RNLS: variants seen among roughly 807,000 people sequenced by gnomAD.
RNLS encodes the protein renalase, FAD dependent amine oxidase.
RNLS carries 39 observed loss-of-function variants against 39.8 expected under a neutral mutation model. The ratio of observed to expected loss-of-function variants is 0.98; its 90% confidence interval spans 0.76 to 1.28. RNLS has a LOEUF of 1.28. Ranked by LOEUF, RNLS falls within the 50% of genes most tolerant of loss-of-function variation. The probability of loss-of-function intolerance (pLI) is 0.00; values close to 1 mark genes in which losing one functional copy is unlikely to be tolerated. For synonymous variants in RNLS, 147 were observed against 150.7 expected (o/e 0.98, Z 0.18); for missense variants, 410 against 413.3 (o/e 0.99, Z 0.07).
chr10:88,563,215 T>G (rs1849288186), intron 4 of RNLS, among the ~76,000 whole-genome samples: 1 of 152,084 alleles, frequency 6.6e-6, no homozygotes, highest in East Asian at 1.9e-4. Context: ...GATTCTAAAG[T>G]ACACTCAGAG....
chr10:88,329,609 C>T (rs1393290494), intron 5 of RNLS, among the ~76,000 whole-genome samples: 4 of 151,780 alleles, frequency 2.6e-5, no homozygotes, highest in African/African-American at 9.7e-5. Context: ...TCTCTCTAAC[C>T]TCTTTTCATG....
chr10:88,366,485 T>C (rs1850109260), intron 4 of RNLS, among the ~76,000 whole-genome samples: 1 of 151,464 alleles, frequency 6.6e-6, no homozygotes, highest in African/African-American at 2.4e-5. Flanking sequence ...TATGTGTATA[T>C]ACTCTTAAAT....
chr10:88,370,934 G>C (rs114581198), intron 4 of RNLS, among the ~76,000 whole-genome samples: 591 of 152,250 alleles, frequency 3.9e-3, no homozygotes, highest in African/African-American at 0.013. Flanking sequence ...CACAGTTTTA[G>C]AAATAGTCTT....
chr10:88,234,791 C>G, the RNLS span, among the ~76,000 whole-genome samples: 13 of 152,060 alleles, frequency 8.5e-5, no homozygotes, highest in African/African-American at 2.7e-4. Flanking sequence ...AAAGTCAAAG[C>G]TTTTAAGATG....
At chr10:88,277,230 A>G (rs1842841982) in intron 6 of RNLS, among the ~76,000 whole-genome samples, 1 of 152,198 alleles carries the variant, frequency 6.6e-6, no homozygotes, top group Non-Finnish European at 1.5e-5. Context: ...CAAGGACAGA[A>G]AACCAAACAC....
chr10:88,514,924 A>G (rs1846330385), intron 4 of RNLS, among the ~76,000 whole-genome samples: 1 of 152,134 alleles, frequency 6.6e-6, no homozygotes, highest in Non-Finnish European at 1.5e-5. Flanking sequence ...GCTAGATCAT[A>G]TGATAATTCC....
the RNLS span, among the ~76,000 whole-genome samples, chr10:88,236,845 G>C: frequency 1.3e-5 from 2 of 152,156 alleles, no homozygotes; most frequent in Non-Finnish European, 1.5e-5. Context: ...TATTCTCCCA[G>C]TAGTGATAAG....
intron 4 of RNLS, among the ~76,000 whole-genome samples, chr10:88,377,021 G>A (rs186548706): frequency 6.0e-4 from 89 of 147,510 alleles, no homozygotes; most frequent in African/African-American, 9.4e-4. Context: ...TTCATTAAAC[G>A]TAGTGAATTA....
chr10:88,543,492 G>A (rs1040595878), intron 4 of RNLS, among the ~76,000 whole-genome samples: 2 of 152,050 alleles, frequency 1.3e-5, no homozygotes, highest in Non-Finnish European at 2.9e-5. Context: ...TTACAATTTA[G>A]ATGAACCAAT....
intron 4 of RNLS, among the ~76,000 whole-genome samples, chr10:88,364,750 G>T (rs17111348): frequency 0.035 from 5,387 of 152,006 alleles, 236 homozygotes; most frequent in African/African-American, 0.092. Context: ...TCTGACATTG[G>T]CCTCATTACA....
chr10:88,473,260 T>A (rs1432216929), intron 4 of RNLS, among the ~76,000 whole-genome samples: 6 of 152,208 alleles, frequency 3.9e-5, no homozygotes, highest in Non-Finnish European at 7.3e-5. Flanking sequence ...GGCACATGAC[T>A]GTATATCTCA....
At chr10:88,565,403 C>T (rs1166425361) in intron 4 of RNLS, among the ~76,000 whole-genome samples, 1 of 152,158 alleles carries the variant, frequency 6.6e-6, no homozygotes, top group Non-Finnish European at 1.5e-5. Flanking sequence ...ACCAATTCTT[C>T]ATACTGAGGT....
At position 88,394,748 on chromosome 10, in the gene RNLS, T is replaced by C. The variant is rs1311587526; in HGVS notation, c.527-32023A>G. ...TGCTATAAAGACACATGCACACGTATGTTTATAGCGGCACTATTCACAATA... is the reference window on the plus strand; with the variant it reads ...TGCTATAAAGACACATGCACACGTACGTTTATAGCGGCACTATTCACAATA... On this transcript the variant is annotated intron_variant, in intron 4 of 6. Coordinates refer to ENST00000331772, the MANE Select transcript of RNLS (RefSeq NM_001031709.3). Among the ~76,000 whole-genome samples the C allele has an allele frequency of 2.6e-5, 4 of 152,324 alleles. No individual in the cohort carries two copies. The South Asian group carries it at 8.3e-4, about 32-fold the overall frequency.
the RNLS span, among the ~76,000 whole-genome samples, chr10:88,255,324 A>G: frequency 6.6e-6 from 1 of 152,190 alleles, no homozygotes; most frequent in Non-Finnish European, 1.5e-5. Context: ...ATGTTAGTTG[A>G]CCACAGTCTA....
intron 4 of RNLS, among the ~76,000 whole-genome samples, chr10:88,389,434 A>T (rs1589711139): frequency 6.6e-6 from 1 of 152,194 alleles, no homozygotes; most frequent in African/African-American, 2.4e-5. Context: ...AGTGATTAAC[A>T]TACCCTTAGC....
intron 4 of RNLS, among the ~76,000 whole-genome samples, chr10:88,445,343 G>T (rs185102997): frequency 1.3e-5 from 2 of 152,146 alleles, no homozygotes; most frequent in Non-Finnish European, 2.9e-5. Flanking sequence ...AGGAACAACT[G>T]GTACCAGCCA....
chr10:88,548,570 C>A (rs1848452992), intron 4 of RNLS, among the ~76,000 whole-genome samples: 1 of 148,734 alleles, frequency 6.7e-6, no homozygotes, highest in Admixed American at 6.7e-5. Context: ...ACCCGAGAGG[C>A]GGAGGTTGCA....
At chr10:88,203,360 A>G in the RNLS span, among the ~76,000 whole-genome samples, 1 of 9,248 alleles carries the variant, frequency 1.1e-4, no homozygotes, top group African/African-American at 7.9e-4. Context: ...ATATATACGT[A>G]TGTGTGTGTA....
chr10:88,333,390 C>T (rs1472023935), intron 5 of RNLS, among the ~76,000 whole-genome samples: 1 of 152,152 alleles, frequency 6.6e-6, no homozygotes, highest in Non-Finnish European at 1.5e-5. Flanking sequence ...GCCCCATTCT[C>T]CAGGGTAACT....
Sources: allele counts gnomAD v4.1 joint callset (sites outside exome capture counted in the v4.1 genomes callset), GRCh38; gene constraint gnomAD v4.1.1; transcripts MANE v1.5; gene names NCBI Gene and HGNC (gene_info 2026-07-23, HGNC 2026-07-21).